FBXL13: variants seen among roughly 807,000 people sequenced by gnomAD.
FBXL13 encodes the protein F-box and leucine-rich repeat protein 13.
FBXL13 carries 67 observed loss-of-function variants against 83.6 expected under a neutral mutation model. The ratio of observed to expected loss-of-function variants is 0.80; its 90% confidence interval spans 0.66 to 0.98. FBXL13 has a LOEUF of 0.98. FBXL13 is among the 50% of genes least tolerant of loss of function. The pLI, the probability that FBXL13 is intolerant of heterozygous loss-of-function variation, is 0.00. For synonymous variants in FBXL13, 272 were observed against 299.5 expected (o/e 0.91, Z 0.95); for missense variants, 822 against 866.5 (o/e 0.95, Z 0.64).
chr7:102,826,048 A>AC (rs1554400231), intron 18 of FBXL13, among the ~76,000 whole-genome samples: 3 of 151,538 alleles, frequency 2.0e-5, no homozygotes, highest in Non-Finnish European at 4.4e-5. Context: ...AATATATGTG[A>AC]TTTTTTTTTA....
At chr7:103,010,202 C>T (rs555088484) in intron 6 of FBXL13, among the ~76,000 whole-genome samples, 14 of 151,984 alleles carry the variant, frequency 9.2e-5, no homozygotes, top group African/African-American at 2.2e-4. Context: ...CACCCACCCC[C>T]GCCACTGGTA....
At chr7:102,973,529 G>T in intron 6 of FBXL13, 1 of 764,238 alleles carries the variant, frequency 1.3e-6, no homozygotes, top group Non-Finnish European at 2.4e-6. Context: ...GCACCCAGGC[G>T]CTCATTAAAA....
chr7:102,934,717 G>T lies in FBXL13; in HGVS notation c.725-2784C>A, dbSNP rs557836390. ...ACTTTTCTTACTTTTTCATTTTCAT[G>T]AATAACTTGAAATGCTCTTTGAATC... On this transcript the variant is annotated intron_variant, in intron 8 of 19. Coordinates refer to ENST00000313221, the Ensembl canonical transcript of FBXL13. 22 of 1,523,000 alleles carry T rather than the reference G, an allele frequency of 1.4e-5. No individual in the cohort carries two copies. In the African/African-American group the frequency reaches 2.8e-4, roughly 19 times the overall value. The allele number at this position is 1,523,000 out of a possible 1,614,324, so 94.3% of individuals were successfully genotyped here. A position where few individuals can be genotyped will look rare whatever the true frequency, so the allele number is the denominator to read the frequency against.
At chr7:103,018,199 C>T (rs190716604) in intron 6 of FBXL13, among the ~76,000 whole-genome samples, 1,675 of 152,220 alleles carry the variant, frequency 0.011, 34 homozygotes, top group African/African-American at 0.039. Flanking sequence ...AATTTTCAAC[C>T]CAGAATTTCA....
intron 17 of FBXL13, 57 bp from the exon 19 acceptor site, chr7:102,833,031 T>C (rs1800993690): frequency 1.9e-6 from 3 of 1,571,852 alleles, no homozygotes; most frequent in Middle Eastern, 1.7e-4. Flanking sequence ...AGAACTGTCT[T>C]ACTTATAGTA....
chr7:103,036,460 G>A (rs1216583368), intron 2 of FBXL13, among the ~76,000 whole-genome samples: 1 of 152,068 alleles, frequency 6.6e-6, no homozygotes, highest in East Asian at 1.9e-4. Context: ...GGTATGAAGT[G>A]TTGAATTTTT....
chr7:102,845,028 C>A (rs1289364828), intron 17 of FBXL13, among the ~76,000 whole-genome samples: 2 of 152,166 alleles, frequency 1.3e-5, no homozygotes, highest in African/African-American at 2.4e-5. Flanking sequence ...GCACCCCTCT[C>A]CTGACATATG....
chr7:102,918,258 A>G (rs1303320412), intron 10 of FBXL13, among the ~76,000 whole-genome samples: 1 of 152,214 alleles, frequency 6.6e-6, no homozygotes, highest in African/African-American at 2.4e-5. Context: ...ATGGCAAAAA[A>G]ATCAGTATCA....
chr7:103,017,022 G>A (rs1373022999), intron 6 of FBXL13, among the ~76,000 whole-genome samples: 1 of 152,238 alleles, frequency 6.6e-6, no homozygotes, highest in Non-Finnish European at 1.5e-5. Context: ...CAGACAGACT[G>A]CCTCGTCAAG....
chr7:103,056,177 T>C (rs1338020085), intron 1 of FBXL13, among the ~76,000 whole-genome samples: 1 of 152,210 alleles, frequency 6.6e-6, no homozygotes, highest in East Asian at 1.9e-4. Flanking sequence ...TGAATGCCAT[T>C]AATTAGTTCC....
chr7:102,826,831 A>G (rs1021093008), intron 18 of FBXL13, among the ~76,000 whole-genome samples: 2 of 142,226 alleles, frequency 1.4e-5, no homozygotes, highest in East Asian at 2.0e-4. Context: ...TATATAATAA[A>G]TATATCTAAT....
intron 11 of FBXL13, among the ~76,000 whole-genome samples, chr7:102,892,000 C>T (rs562291792): frequency 7.9e-5 from 12 of 152,356 alleles, no homozygotes; most frequent in African/African-American, 2.9e-4. Flanking sequence ...GGTGGCTTTA[C>T]AGCTACAGTT....
chr7:102,860,679 C>G (rs1040270851), intron 16 of FBXL13, among the ~76,000 whole-genome samples: 4 of 150,650 alleles, frequency 2.7e-5, no homozygotes, highest in South Asian at 4.2e-4. Flanking sequence ...TTGGAATGCT[C>G]TGTGTGTGTG....
chr7:102,949,900 G>A (rs1823145330), intron 8 of FBXL13, among the ~76,000 whole-genome samples: 1 of 152,170 alleles, frequency 6.6e-6, no homozygotes, highest in Non-Finnish European at 1.5e-5. Context: ...GACGTCGGGA[G>A]TTCAAGACCA....
chr7:102,982,512 A>T (rs1828374941), intron 6 of FBXL13, among the ~76,000 whole-genome samples: 1 of 152,146 alleles, frequency 6.6e-6, no homozygotes, highest in Admixed American at 6.5e-5. Context: ...TCCAAAGGCC[A>T]CTTCACCATT....
chr7:103,021,581 T>C (rs956357895), intron 6 of FBXL13, among the ~76,000 whole-genome samples: 12 of 152,176 alleles, frequency 7.9e-5, no homozygotes, highest in African/African-American at 2.7e-4. Flanking sequence ...TGCAATCTAC[T>C]GATCTGGCAA....
At chr7:102,973,109 T>A (rs1198556088) in intron 6 of FBXL13, 1 of 169,040 alleles carries the variant, frequency 5.9e-6, no homozygotes, top group Non-Finnish European at 1.3e-5. Context: ...AAATTCTCCA[T>A]GATTTCACTT....
chr7:102,868,525 C>CAT (rs201270685), intron 16 of FBXL13, among the ~76,000 whole-genome samples: 16 of 152,084 alleles, frequency 1.1e-4, no homozygotes, highest in Admixed American at 3.9e-4. Flanking sequence ...TTCTATTGTG[C>CAT]ATATATATAT....
chr7:103,033,935 C>T (rs1794796130), intron 2 of FBXL13, among the ~76,000 whole-genome samples: 1 of 152,126 alleles, frequency 6.6e-6, no homozygotes, highest in African/African-American at 2.4e-5. Flanking sequence ...AGGTTCTCCA[C>T]ATCCCCACCA....
Sources: gnomAD v4.1 joint callset for allele counts (sites outside exome capture counted in the v4.1 genomes callset) on GRCh38, gnomAD v4.1.1 for gene constraint, MANE v1.5 for transcripts, NCBI Gene and HGNC (gene_info 2026-07-23, HGNC 2026-07-21) for gene names.